Variants in MND1 observed in about 807,000 individuals in gnomAD.
MND1 encodes the protein meiotic nuclear division protein 1 homolog.
MND1 carries 28 observed loss-of-function variants against 35.1 expected under a neutral mutation model. The observed-to-expected ratio is 0.80, with a 90% CI of 0.59 to 1.09. The LOEUF (loss-of-function observed/expected upper bound fraction) is 1.09. MND1 is among the 50% of genes least tolerant of loss of function. The pLI, the probability that MND1 is intolerant of heterozygous loss-of-function variation, is 0.00. For missense variants in MND1, 213 were observed against 239.6 expected (o/e 0.89, Z 0.73); for synonymous variants, 69 against 70.5 (o/e 0.98, Z 0.11).
chr4:153,374,575 A>G (rs886297831), intron 4 of MND1, among the ~76,000 whole-genome samples: 1 of 152,120 alleles, frequency 6.6e-6, no homozygotes, highest in Non-Finnish European at 1.5e-5. Flanking sequence ...GCCAAATTAT[A>G]ATGTTAACTT....
intron 6 of MND1, among the ~76,000 whole-genome samples, chr4:153,399,214 CTCTTA>C (rs1252251900): frequency 2.0e-5 from 3 of 152,124 alleles, no homozygotes; most frequent in African/African-American, 7.2e-5. Context: ...CTGTTTCATT[CTCTTA>C]TATGTCTAGG....
chr4:153,367,560 C>T (rs964949018), intron 4 of MND1, among the ~76,000 whole-genome samples: 8 of 152,182 alleles, frequency 5.3e-5, no homozygotes, highest in Non-Finnish European at 8.8e-5. Flanking sequence ...TTCACAAATA[C>T]ACCACATCTC....
At chr4:153,364,293 G>A (rs1455035777) in intron 4 of MND1, among the ~76,000 whole-genome samples, 5 of 152,094 alleles carry the variant, frequency 3.3e-5, no homozygotes, top group South Asian at 2.1e-4. Flanking sequence ...GAGGTGGGAG[G>A]ATCACTTGAG....
At chr4:153,397,382 G>A in intron 6 of MND1, 49 bp downstream of exon 6, 2 of 1,370,024 alleles carry the variant, frequency 1.5e-6, no homozygotes, top group Non-Finnish European at 1.0e-6. Context: ...TAATGAAGAA[G>A]ACTTTATTTT....
chr4:153,412,429 T>A (rs1383967673), intron 7 of MND1, among the ~76,000 whole-genome samples: 1 of 151,972 alleles, frequency 6.6e-6, no homozygotes, highest in Non-Finnish European at 1.5e-5. Flanking sequence ...CAGGTCTTCC[T>A]TCTCCCTGTG....
intron 4 of MND1, among the ~76,000 whole-genome samples, chr4:153,368,014 ATCTCT>A (rs1193532378): frequency 1.3e-5 from 2 of 152,036 alleles, no homozygotes; most frequent in Non-Finnish European, 2.9e-5. Flanking sequence ...CTTTGCCCAT[ATCTCT>A]TCTCTTAAAC....
At chr4:153,385,461 A>G (rs1728826596) in intron 4 of MND1, among the ~76,000 whole-genome samples, 1 of 152,162 alleles carries the variant, frequency 6.6e-6, no homozygotes, top group South Asian at 2.1e-4. Flanking sequence ...CATGCCTGTA[A>G]TACCAACACT....
In MND1 at chr4:153,388,943, C is replaced by T. The variant is rs1418492126; in HGVS notation, c.277-5319C>T. On this transcript the variant is annotated intron_variant, in intron 4 of 7. Coordinates refer to ENST00000240488, the MANE Select transcript of MND1 (RefSeq NM_032117.4). ...GGGGATGGTCCCCTACCCCATAGTC[C>T]GATGGTTTCTTTCCCAGTGTGGCTG... Among the ~76,000 whole-genome samples the T allele has an allele frequency of 3.9e-5, 6 of 152,122 alleles. No homozygotes were observed. The East Asian group carries it at 5.8e-4, about 15-fold the overall frequency.
chr4:153,401,376 A>G (rs1408946083), intron 6 of MND1, among the ~76,000 whole-genome samples: 1 of 152,204 alleles, frequency 6.6e-6, no homozygotes, highest in Non-Finnish European at 1.5e-5. Flanking sequence ...TGAGCCAGAA[A>G]AATATCTAAA....
rs181395912 is a variant in MND1 at position 153,384,894 on chromosome 4, A to G, written c.277-9368A>G. On this transcript the variant is annotated intron_variant, in intron 4 of 7. Coordinates refer to ENST00000240488, the MANE Select transcript of MND1 (RefSeq NM_032117.4). ...TCAGGGTTGGATTGCTGGAAATTTAACCCTCTGGTTAAGTGGAACATGAAT... is the reference window on the plus strand; with the variant it reads ...TCAGGGTTGGATTGCTGGAAATTTAGCCCTCTGGTTAAGTGGAACATGAAT... Among the ~76,000 whole-genome samples the G allele has an allele frequency of 1.0e-3, 152 of 152,304 alleles. 1 individual carries two copies. Among genetic ancestry groups the G allele is most frequent in the Non-Finnish European group, 1.7e-3 (116 of 68,022 alleles).
At chr4:153,365,042 T>C (rs1773592771) in intron 4 of MND1, among the ~76,000 whole-genome samples, 1 of 151,732 alleles carries the variant, frequency 6.6e-6, no homozygotes, top group Admixed American at 6.6e-5. Flanking sequence ...TTGCTGACCT[T>C]GGAAGATAGT....
intron 3 of MND1, 96 bp downstream of exon 3, chr4:153,355,807 T>C: frequency 2.5e-6 from 2 of 797,972 alleles, no homozygotes; most frequent in Non-Finnish European, 2.1e-6. Context: ...TCTGCAACAG[T>C]CTTTCACTTT....
chr4:153,381,662 A>G (rs1452093392), intron 4 of MND1: 2 of 92,052 alleles, frequency 2.2e-5, no homozygotes, highest in Non-Finnish European at 4.2e-5. Context: ...TAATATATAT[A>G]ATATAATATA....
intron 4 of MND1, among the ~76,000 whole-genome samples, chr4:153,375,755 A>G (rs1012792609): frequency 6.6e-6 from 1 of 152,142 alleles, no homozygotes; most frequent in East Asian, 1.9e-4. Context: ...AATAGCTGTT[A>G]TATTCTGATA....
rs1327471453 is a variant in MND1, at chr4:153,415,093, G to C, written c.*236G>C. ...GGACAATAAAAATCCATCCATCTCAGTCCAGGCAGATTTACAAATGATTTT... is the reference window on the plus strand; with the variant it reads ...GGACAATAAAAATCCATCCATCTCACTCCAGGCAGATTTACAAATGATTTT... On this transcript the variant is annotated 3_prime_UTR_variant, in exon 8 of 8. Coordinates refer to ENST00000240488, the MANE Select transcript of MND1 (RefSeq NM_032117.4). 2 of 276,578 alleles carry C rather than the reference G, an allele frequency of 7.2e-6. No individual in the cohort carries two copies. The highest frequency in any genetic ancestry group is 4.4e-5 in the African/African-American group (2 of 45,452). 17.1% of individuals were successfully genotyped at this position (276,578 alleles called of 1,614,324 possible). A position where few individuals can be genotyped will look rare whatever the true frequency, so the allele number is the denominator to read the frequency against.
In MND1 at chr4:153,362,656, A is replaced by C. The variant is rs774743873; in HGVS notation, c.276+4034A>C. ...ATTTTCAGATTACTTAAATATGTCA[A>C]ATTTGGGGAGGGCTATTAATTTGAT... is the stretch of plus-strand genomic sequence containing the variant. On this transcript the variant is annotated intron_variant, in intron 4 of 7. Coordinates refer to ENST00000240488, the MANE Select transcript of MND1 (RefSeq NM_032117.4). Among the ~76,000 whole-genome samples, 14 of 152,102 alleles carry C rather than the reference A, an allele frequency of 9.2e-5. No homozygotes were observed. The East Asian group carries it at 2.7e-3, about 29-fold the overall frequency.
At chr4:153,392,347 G>T (rs981679455) in intron 4 of MND1, among the ~76,000 whole-genome samples, 5 of 151,854 alleles carry the variant, frequency 3.3e-5, no homozygotes, top group African/African-American at 7.3e-5. Flanking sequence ...CCTCGTGATC[G>T]GCCCGCCTCA....
Position 153,393,009 on chromosome 4 carries a change from A to G in MND1, c.277-1253A>G, listed in dbSNP as rs1430564391. Among the ~76,000 whole-genome samples the G allele has an allele frequency of 4.6e-5, 7 of 152,246 alleles. No individual in the cohort carries two copies. The East Asian group carries it at 1.4e-3, about 29-fold the overall frequency. On this transcript the variant is annotated intron_variant, in intron 4 of 7. Coordinates refer to ENST00000240488, the MANE Select transcript of MND1 (RefSeq NM_032117.4). ...GTGGTGCACACCTGCAGTCCCAGCT[A>G]CTGGGAGGTAGAGGTTGGAAGATGG...
intron 4 of MND1, among the ~76,000 whole-genome samples, chr4:153,390,436 A>G (rs572253768): frequency 2.1e-4 from 32 of 152,230 alleles, no homozygotes; most frequent in Non-Finnish European, 4.1e-4. Flanking sequence ...TGAAATATGT[A>G]AGATTATTTT....
Sources: gnomAD v4.1 joint callset for allele counts (sites outside exome capture counted in the v4.1 genomes callset) on GRCh38, gnomAD v4.1.1 for gene constraint, MANE v1.5 for transcripts, NCBI Gene and HGNC (gene_info 2026-07-23, HGNC 2026-07-21) for gene names.